Variants in COPB2 observed in about 807,000 individuals in gnomAD.
COPB2 encodes the protein coat protein complex I subunit beta 2.
In COPB2, 16 loss-of-function variants were observed where a neutral mutation model predicts 120.8. That is an observed-to-expected ratio of 0.13 (90% confidence interval 0.09 to 0.20). The LOEUF (loss-of-function observed/expected upper bound fraction) is 0.20. Among genes scored for constraint, COPB2 ranks in the 10% least tolerant of loss-of-function variants. COPB2 has a pLI of 1.00. For synonymous variants in COPB2, 332 were observed against 366.3 expected, an observed-to-expected ratio of 0.91 and a Z score of 1.07; for missense variants, 794 against 1,076.5, an observed-to-expected ratio of 0.74 and a Z score of 3.67.
chr3:139,373,362 A>G lies in COPB2; in HGVS notation c.945T>C (p.Ile315=), dbSNP rs573240676. 3.3e-5 allele frequency: 54 copies of G among 1,614,012 alleles called. No homozygotes were observed. Among genetic ancestry groups the G allele is most frequent in the Non-Finnish European group, 4.3e-5 (51 of 1,180,026 alleles). The stretch of plus-strand genomic sequence containing the variant: ...GCTGGACTTCTGAATGCTTGGCCCA[A>G]ATTATCTTTCCATTGGCATCCATGG... The part of the protein sequence containing the change: ...AMSMDANGKI[I]WAKHSEVQQA... Residue 315 remains isoleucine, a synonymous_variant, in exon 9 of 22, where the codon ATT becomes ATC. Transcript: ENST00000333188.
At chr3:139,364,709 A>G (rs1169580229) in intron 15 of COPB2, among the ~76,000 whole-genome samples, 1 of 152,248 alleles carries the variant, frequency 6.6e-6, no homozygotes, top group Non-Finnish European at 1.5e-5. Context: ...GGCTAAAGAT[A>G]CTGACATTGA....
At chr3:139,370,623 T>C (rs1016123388) in intron 10 of COPB2, among the ~76,000 whole-genome samples, 5 of 152,178 alleles carry the variant, frequency 3.3e-5, no homozygotes, top group African/African-American at 1.2e-4. Flanking sequence ...CAGCAACAAC[T>C]GCTTATATTC....
At chr3:139,364,697 T>C (rs1941484244) in intron 15 of COPB2, among the ~76,000 whole-genome samples, 1 of 152,206 alleles carries the variant, frequency 6.6e-6, no homozygotes, top group African/African-American at 2.4e-5. Context: ...CAAAAATTCA[T>C]TGGCTAAAGA....
rs1576372997 is a variant in COPB2, at chr3:139,369,311, C to T, written c.1351G>A (p.Asp451Asn). ...CGTATGAGTTCTGTATTGTCCCAGTCATAGAAGGCTAAGCCATTTACAGAT... is the reference window on the plus strand; with the variant it reads ...CGTATGAGTTCTGTATTGTCCCAGTTATAGAAGGCTAAGCCATTTACAGAT... Reference protein sequence around the residue: ...VRSVNGLAFYDWDNTELIRRI... With the variant: ...VRSVNGLAFYNWDNTELIRRI... The change falls in exon 12 of 22, where the codon GAC becomes AAC. Residue 451 changes from aspartate to asparagine, a missense_variant. Physicochemically the swap from Asp to Asn is conservative, Grantham distance 23 (BLOSUM62 1). Around this residue, in one of 3 missense-constraint regions of COPB2, gnomAD observed 610 missense variants for 866.7 expected, o/e 0.70. Transcript: ENST00000333188. 7 of 1,613,678 alleles carry T rather than the reference C, an allele frequency of 4.3e-6. No individual in the cohort carries two copies. The East Asian group carries it at 1.3e-4, about 31-fold the overall frequency.
At chr3:139,361,401 TTTG>T (rs1941417169) in intron 16 of COPB2, 106 bp from the exon 17 acceptor site, 1 of 1,128,132 alleles carries the variant, frequency 8.9e-7, no homozygotes, top group Admixed American at 2.6e-5. Context: ...AAGAGCTGTG[TTTG>T]TTAAGTTGGC....
At chr3:139,358,436 T>C (rs1316080271) in intron 20 of COPB2, 165 bp from the exon 21 acceptor site, 4 of 653,124 alleles carry the variant, frequency 6.1e-6, no homozygotes, top group East Asian at 2.7e-5. Flanking sequence ...CCCAGCACTT[T>C]GGGAGGCCGA....
chr3:139,371,000 TG>T (rs889637853), intron 10 of COPB2, among the ~76,000 whole-genome samples: 10 of 152,188 alleles, frequency 6.6e-5, no homozygotes, highest in Non-Finnish European at 7.3e-5. Flanking sequence ...ACCCCACTGT[TG>T]GGGGCAAGAT....
rs187499357 is a variant in COPB2, at chr3:139,388,666, C to T, written c.3+882G>A. 6.4e-3 allele frequency among the ~76,000 whole-genome samples: 908 copies of T among 142,538 alleles called. 5 individuals carry two copies. The highest frequency in any genetic ancestry group is 0.048 in the Middle Eastern group (13 of 272). The allele number at this position is 142,538 out of a possible 152,430, so 93.5% of individuals were successfully genotyped here. ...TTTTTGAGACGGAGTCTTGCTCTGT[C>T]CCAGGCTGGAGTGCAGTGGTGCGAC... On this transcript the variant is annotated intron_variant, in intron 1 of 21. Transcript: ENST00000333188.
At chr3:139,377,245 A>C (rs1941730182) in intron 5 of COPB2, among the ~76,000 whole-genome samples, 1 of 123,354 alleles carries the variant, frequency 8.1e-6, no homozygotes, top group Non-Finnish European at 2.1e-5. Context: ...ATAATAATTC[A>C]ATCTGAGAAA....
At chr3:139,375,308 ATT>A (rs990279283) in intron 6 of COPB2, among the ~76,000 whole-genome samples, 158 bp downstream of exon 6, 1 of 152,186 alleles carries the variant, frequency 6.6e-6, no homozygotes, top group African/African-American at 2.4e-5. Context: ...CATTGTTTTC[ATT>A]TTTATGGAGA....
intron 16 of COPB2, 59 bp downstream of exon 16, chr3:139,362,348 A>G: frequency 8.4e-7 from 1 of 1,195,284 alleles, no homozygotes; most frequent in Non-Finnish European, 1.2e-6. Context: ...TACACCAAAC[A>G]CATAGAAGTA....
rs780109709 is a variant in COPB2 at position 139,358,284 on chromosome 3, G to C, written c.2554-13C>G. On this transcript the variant is annotated splice_polypyrimidine_tract_variant and intron_variant, in intron 20 of 21. Coordinates refer to ENST00000333188, the MANE Select transcript of COPB2 (RefSeq NM_004766.3). Reference sequence around the variant, plus strand: ...TCCCATCAAGTTCCTGAAACCACAAGTGAAGATATATATGAAGACAAGGGA... The same window carrying C: ...TCCCATCAAGTTCCTGAAACCACAACTGAAGATATATATGAAGACAAGGGA... The C allele has an allele frequency of 6.2e-7, 1 of 1,608,860 alleles. No homozygotes were observed. The highest frequency in any genetic ancestry group is 2.2e-5 in the East Asian group (1 of 44,840).
intron 15 of COPB2, among the ~76,000 whole-genome samples, chr3:139,366,102 T>A (rs1039227196): frequency 5.3e-5 from 8 of 152,154 alleles, no homozygotes; most frequent in African/African-American, 1.9e-4. Context: ...AATAATTACC[T>A]CTAGGGAGTA....
At chr3:139,386,863 A>G (rs1216762423) in intron 1 of COPB2, among the ~76,000 whole-genome samples, 1 of 152,038 alleles carries the variant, frequency 6.6e-6, no homozygotes, top group Non-Finnish European at 1.5e-5. Context: ...GAGCAACCCC[A>G]GTAAACCTCT....
rs1941340979 is a variant in COPB2 at position 139,358,579 on chromosome 3, G to A, written c.2553+165C>T. The A allele has an allele frequency of 1.1e-5, 7 of 618,962 alleles. No individual in the cohort carries two copies. In the South Asian group the frequency reaches 1.2e-4, roughly 11 times the overall value. The allele number at this position is 618,962 out of a possible 1,614,324, so 38.3% of individuals were successfully genotyped here. ...TGTAATTACCCCAGCTACTCGGGAGGCTGAGGCAGGAGAATGGCGTGAACC... is the reference window on the plus strand; with the variant it reads ...TGTAATTACCCCAGCTACTCGGGAGACTGAGGCAGGAGAATGGCGTGAACC... On this transcript the variant is annotated intron_variant, in intron 20 of 21. Transcript: ENST00000333188.
rs779182808 is a variant in COPB2 at position 139,358,761 on chromosome 3, T to G, written c.2536A>C (p.Arg846=). The G allele has an allele frequency of 1.2e-6, 2 of 1,612,808 alleles. No individual in the cohort carries two copies. The part of the protein sequence containing the change: ...MEEGKDFQPS[R]STAQQELDGK... The stretch of plus-strand genomic sequence containing the variant: ...CTACTGACCTGTTGAGCTGTAGATC[T>G]TGAGGGCTGAAAGTCTTTTCCCTCT... Residue 846 remains arginine (R), a synonymous_variant, in exon 20 of 22, where the codon AGA becomes CGA. Coordinates refer to ENST00000333188, the MANE Select transcript of COPB2 (RefSeq NM_004766.3).
At chr3:139,358,491 A>G in intron 20 of COPB2, 1 of 602,602 alleles carries the variant, frequency 1.7e-6, no homozygotes, top group Non-Finnish European at 2.9e-6. Context: ...ATCCTGGCTA[A>G]TGCAGTGAAA....
chr3:139,358,200 C>T lies in COPB2; in HGVS notation c.2625G>A (p.Lys875=), dbSNP rs1372229207. The change falls in exon 21 of 22, where the codon AAG becomes AAA. Residue 875 remains lysine, a splice_region_variant and synonymous_variant. Coordinates refer to ENST00000333188, the MANE Select transcript of COPB2 (RefSeq NM_004766.3). ...VASHTANKEE[K]SLLELEVDLD... ...GGTTTGAGTATGATGTCTGACCTAC[C>T]TTTTCTTCTTTGTTGGCTGTGTGGG... 1.2e-6 allele frequency: 2 copies of T among 1,613,846 alleles called. No individual in the cohort carries two copies. The highest frequency in any genetic ancestry group is 2.7e-5 in the African/African-American group (2 of 74,922).
At chr3:139,387,495 T>C (rs1006730162) in intron 1 of COPB2, among the ~76,000 whole-genome samples, 5 of 152,276 alleles carry the variant, frequency 3.3e-5, no homozygotes, top group African/African-American at 1.2e-4. Flanking sequence ...CAGTAAGACC[T>C]TTCTAGTTAC....
Sources: gnomAD v4.1 joint callset for allele counts (sites outside exome capture counted in the v4.1 genomes callset) on GRCh38, gnomAD v4.1.1 for gene constraint, gnomAD v4.1.1 regional missense constraint, MANE v1.5 for transcripts, NCBI Gene and HGNC (gene_info 2026-07-23, HGNC 2026-07-21) for gene names.